GSK3B: variants seen among roughly 807,000 people sequenced by gnomAD.
GSK3B encodes glycogen synthase kinase-3 beta.
Under a neutral mutation model 56.4 loss-of-function variants are expected in GSK3B, and 15 were observed. That is an observed-to-expected ratio of 0.27 (90% CI 0.18 to 0.41). GSK3B has a LOEUF of 0.41. Ranked by LOEUF, GSK3B falls within the 10% of genes least tolerant of loss-of-function variation. GSK3B has a pLI of 1.00. For missense variants in GSK3B, 300 were observed against 513.4 expected (o/e 0.58, Z 4.02); for synonymous variants, 181 against 188.9 (o/e 0.96, Z 0.34).
intron 1 of GSK3B, among the ~76,000 whole-genome samples, chr3:120,085,289 G>C (rs334555): frequency 0.89 from 136,090 of 152,232 alleles, 61,144 homozygotes; most frequent in East Asian, 1. Context: ...ATTATTAAAA[G>C]TCTACCAACT....
chr3:119,836,580 T>C (rs945570693), intron 10 of GSK3B, among the ~76,000 whole-genome samples: 1 of 152,334 alleles, frequency 6.6e-6, no homozygotes, highest in East Asian at 1.9e-4. Flanking sequence ...AACGGTTTGA[T>C]TTCCATCTTT....
At chr3:119,960,553 A>G (rs57695730) in intron 2 of GSK3B, among the ~76,000 whole-genome samples, 80,431 of 152,070 alleles carry the variant, frequency 0.53, 24,718 homozygotes, top group African/African-American at 0.86. Flanking sequence ...TGCAAGATGT[A>G]ATCATTGAGG....
chr3:120,040,177 G>A (rs2058053595), intron 1 of GSK3B, among the ~76,000 whole-genome samples: 1 of 152,262 alleles, frequency 6.6e-6, no homozygotes, highest in Admixed American at 6.5e-5. Flanking sequence ...GAGGTTAAAA[G>A]TGTGTAAATG....
intron 2 of GSK3B, among the ~76,000 whole-genome samples, chr3:119,977,572 T>C (rs1013409514): frequency 2.0e-5 from 3 of 152,224 alleles, no homozygotes; most frequent in African/African-American, 7.2e-5. Context: ...CACCTAATTA[T>C]AGCCTCCACT....
chr3:119,833,463 T>C (rs757776722), intron 10 of GSK3B, among the ~76,000 whole-genome samples: 1 of 152,174 alleles, frequency 6.6e-6, no homozygotes, highest in Admixed American at 6.5e-5. Context: ...TCTAATATAG[T>C]AGCTGCTAAC....
At position 120,036,090 on chromosome 3, in the gene GSK3B, T is replaced by C. The variant is rs534434293; in HGVS notation, c.89-33851A>G. On this transcript the variant is annotated intron_variant, in intron 1 of 10. Coordinates refer to ENST00000264235, the MANE Select transcript of GSK3B (RefSeq NM_001146156.2). The stretch of plus-strand genomic sequence containing the variant: ...GCATCCAATATTTTGCCATTAACTA[T>C]GTATTAGCTCCGGGTTTTTTCATAG... Among the ~76,000 whole-genome samples the C allele has an allele frequency of 6.6e-5, 10 of 152,338 alleles. No homozygotes were observed. In the South Asian group the frequency reaches 1.2e-3, roughly 19 times the overall value.
At chr3:119,989,255 C>T (rs904193518) in intron 2 of GSK3B, among the ~76,000 whole-genome samples, 1 of 152,128 alleles carries the variant, frequency 6.6e-6, no homozygotes, top group Non-Finnish European at 1.5e-5. Context: ...TTACAGGAAT[C>T]AACTCCTAAA....
intron 5 of GSK3B, among the ~76,000 whole-genome samples, chr3:119,915,258 A>G (rs553641508): frequency 6.6e-6 from 1 of 152,162 alleles, no homozygotes; most frequent in African/African-American, 2.4e-5. Flanking sequence ...AAAATGAAGA[A>G]AACACTGCAT....
In GSK3B at chr3:119,822,722, T is replaced by C. The variant is rs2055432023; in HGVS notation, c.*4066A>G. The C allele has an allele frequency of 4.4e-6, 1 of 228,286 alleles. No homozygotes were observed. Among genetic ancestry groups the C allele is most frequent in the Admixed American group, 5.7e-5 (1 of 17,594 alleles). 14.1% of individuals were successfully genotyped at this position (228,286 alleles called of 1,614,324 possible). ...GATTTTATTGTAAAGCATACCTACT[T>C]TTCCACACAGGGGAGAAAAGTGTTT... On this transcript the variant is annotated 3_prime_UTR_variant, in exon 11 of 11. Coordinates refer to ENST00000264235, the MANE Select transcript of GSK3B (RefSeq NM_001146156.2).
At chr3:120,014,521 T>C (rs1258728720) in intron 1 of GSK3B, among the ~76,000 whole-genome samples, 3 of 152,066 alleles carry the variant, frequency 2.0e-5, no homozygotes, top group Non-Finnish European at 4.4e-5. Flanking sequence ...TTGGAACAAA[T>C]GAAACTATGA....
chr3:120,084,850 A>C (rs1679244607), intron 1 of GSK3B, among the ~76,000 whole-genome samples: 1 of 152,232 alleles, frequency 6.6e-6, no homozygotes, highest in South Asian at 2.1e-4. Context: ...ATAAGTATTT[A>C]CTAATTTAAT....
At chr3:120,086,209 CAG>C (rs1029366332) in intron 1 of GSK3B, among the ~76,000 whole-genome samples, 1 of 147,332 alleles carries the variant, frequency 6.8e-6, no homozygotes, top group African/African-American at 2.5e-5. Context: ...AAAAAAAAAA[CAG>C]AAATAGTAAG....
chr3:120,029,652 GAGA>G, intron 1 of GSK3B: 1 of 538,850 alleles, frequency 1.9e-6, no homozygotes, highest in Non-Finnish European at 3.6e-6. Flanking sequence ...ATTCATAGCA[GAGA>G]ATGCCCTAAA....
chr3:119,860,919 T>A (rs1158920486), intron 9 of GSK3B, among the ~76,000 whole-genome samples: 2 of 152,138 alleles, frequency 1.3e-5, no homozygotes, highest in African/African-American at 4.8e-5. Flanking sequence ...GAGGAGGGCT[T>A]TATGCTGCCT....
At chr3:120,000,510 G>C (rs1282962703) in intron 2 of GSK3B, among the ~76,000 whole-genome samples, 1 of 152,138 alleles carries the variant, frequency 6.6e-6, no homozygotes, top group South Asian at 2.1e-4. Context: ...TGTTATACCA[G>C]AACAGTGATC....
chr3:119,864,681 C>T (rs1052351833), intron 8 of GSK3B, among the ~76,000 whole-genome samples: 59 of 152,172 alleles, frequency 3.9e-4, no homozygotes, highest in African/African-American at 1.4e-3. Flanking sequence ...AAGGTTTCCT[C>T]GTAAGAATGG....
chr3:120,078,293 C>T (rs1038090928), intron 1 of GSK3B, among the ~76,000 whole-genome samples: 2 of 152,056 alleles, frequency 1.3e-5, no homozygotes, highest in African/African-American at 4.8e-5. Flanking sequence ...CATTTTAGAA[C>T]AATTTCCTAC....
intron 1 of GSK3B, among the ~76,000 whole-genome samples, chr3:120,070,396 T>C (rs1403951953): frequency 6.6e-6 from 1 of 152,170 alleles, no homozygotes; most frequent in Non-Finnish European, 1.5e-5. Context: ...CTAAGCATCT[T>C]ACATGCATAA....
At chr3:119,935,382 C>A (rs990571330) in intron 3 of GSK3B, among the ~76,000 whole-genome samples, 1 of 152,004 alleles carries the variant, frequency 6.6e-6, no homozygotes, top group Non-Finnish European at 1.5e-5. Flanking sequence ...GATCAAGGTA[C>A]CATTTCTGTA....
Sources: gnomAD v4.1 joint callset for allele counts (sites outside exome capture counted in the v4.1 genomes callset) on GRCh38, gnomAD v4.1.1 for gene constraint, MANE v1.5 for transcripts, NCBI Gene and HGNC (gene_info 2026-07-23, HGNC 2026-07-21) for gene names.